BMPR2: variants seen among roughly 807,000 people sequenced by gnomAD.
BMPR2 encodes bone morphogenetic protein receptor type-2.
BMPR2 carries 29 observed loss-of-function variants against 100.8 expected under a neutral mutation model. The observed-to-expected ratio is 0.29, with a 90% CI of 0.21 to 0.39. BMPR2 has a LOEUF of 0.39. Ranked by LOEUF, BMPR2 falls within the 10% of genes least tolerant of loss-of-function variation. The pLI, the probability that BMPR2 is intolerant of heterozygous loss-of-function variation, is 1.00. For synonymous variants in BMPR2, 382 were observed against 442.3 expected, an observed-to-expected ratio of 0.86 and a Z score of 1.71; for missense variants, 1,011 against 1,274.5, an observed-to-expected ratio of 0.79 and a Z score of 3.15.
At chr2:202,541,232 G>T (rs1688266639) in intron 9 of BMPR2, among the ~76,000 whole-genome samples, 1 of 152,064 alleles carries the variant, frequency 6.6e-6, no homozygotes, top group African/African-American at 2.4e-5. Flanking sequence ...TTTGAGGGCA[G>T]AAGTATGAGA....
intron 3 of BMPR2, among the ~76,000 whole-genome samples, chr2:202,510,341 C>G (rs1687596241): frequency 6.6e-6 from 1 of 152,172 alleles, no homozygotes; most frequent in Non-Finnish European, 1.5e-5. Flanking sequence ...CACTTGAACC[C>G]AGGTGGCGGA....
At chr2:202,527,403 G>A (rs906862426) in intron 7 of BMPR2, among the ~76,000 whole-genome samples, 18 of 151,724 alleles carry the variant, frequency 1.2e-4, no homozygotes, top group African/African-American at 4.4e-4. Flanking sequence ...CAGAAGAATC[G>A]CTTGAACCTG....
At chr2:202,533,447 A>T (rs1167978387) in intron 9 of BMPR2, among the ~76,000 whole-genome samples, 1 of 151,930 alleles carries the variant, frequency 6.6e-6, no homozygotes, top group African/African-American at 2.4e-5. Flanking sequence ...GAATTGCTTG[A>T]ACCCGGGAGG....
rs931326220 is a variant in BMPR2, at chr2:202,447,426, C to T, written c.77-17383C>T. Reference sequence around the variant, plus strand: ...TGATTACTGGCCGGGTGCAGTGGCTCACGCCTGTAAATCCCAACACTGTGG... The same window carrying T: ...TGATTACTGGCCGGGTGCAGTGGCTTACGCCTGTAAATCCCAACACTGTGG... On this transcript the variant is annotated intron_variant, in intron 1 of 12. Transcript: ENST00000374580. Among the ~76,000 whole-genome samples the T allele has an allele frequency of 4.0e-5, 6 of 150,756 alleles. 1 individual carries two copies. Among genetic ancestry groups the T allele is most frequent in the African/African-American group, 1.5e-4 (6 of 40,076 alleles).
intron 9 of BMPR2, among the ~76,000 whole-genome samples, chr2:202,535,247 A>T (rs1235693296): frequency 6.6e-6 from 1 of 151,390 alleles, no homozygotes; most frequent in Non-Finnish European, 1.5e-5. Context: ...CACTTCCCAG[A>T]CGGAGCGGCT....
intron 3 of BMPR2, among the ~76,000 whole-genome samples, chr2:202,490,605 T>C (rs1192540300): frequency 6.6e-6 from 1 of 152,238 alleles, no homozygotes; most frequent in Non-Finnish European, 1.5e-5. Context: ...AAAACCAAGA[T>C]AGAGTTGGAT....
In BMPR2 at chr2:202,470,168, C is replaced by A. The variant is rs532675614; in HGVS notation, c.418+2479C>A. Reference sequence around the variant, plus strand: ...ACCATCCTGGCCAACATGGTGAAACCCCATCTCTACTAAAAATACAAAAAT... The same window carrying A: ...ACCATCCTGGCCAACATGGTGAAACACCATCTCTACTAAAAATACAAAAAT... On this transcript the variant is annotated intron_variant, in intron 3 of 12. Coordinates refer to ENST00000374580, the MANE Select transcript of BMPR2 (RefSeq NM_001204.7). Among the ~76,000 whole-genome samples the A allele has an allele frequency of 5.9e-5, 9 of 151,658 alleles. No individual in the cohort carries two copies. In the East Asian group the frequency reaches 1.6e-3, roughly 27 times the overall value.
intron 9 of BMPR2, among the ~76,000 whole-genome samples, chr2:202,535,828 A>T (rs1004651089): frequency 2.6e-5 from 4 of 152,210 alleles, no homozygotes; most frequent in Non-Finnish European, 4.4e-5. Flanking sequence ...TCCGTCTGCA[A>T]TCCCGGCACC....
At chr2:202,548,611 C>T (rs1012880852) in intron 10 of BMPR2, among the ~76,000 whole-genome samples, 1 of 152,074 alleles carries the variant, frequency 6.6e-6, no homozygotes, top group African/African-American at 2.4e-5. Flanking sequence ...GATTTTATGA[C>T]CCACCCATGA....
At chr2:202,451,823 C>T (rs1438871509) in intron 1 of BMPR2, among the ~76,000 whole-genome samples, 5 of 152,096 alleles carry the variant, frequency 3.3e-5, no homozygotes, top group Non-Finnish European at 7.4e-5. Flanking sequence ...GATCTCAGCT[C>T]ACCACAACCA....
At chr2:202,472,756 T>A (rs1444365245) in intron 3 of BMPR2, among the ~76,000 whole-genome samples, 1 of 152,220 alleles carries the variant, frequency 6.6e-6, no homozygotes. Flanking sequence ...CTTAGTTTAG[T>A]TTACTATAAC....
chr2:202,443,812 C>T (rs531251616), intron 1 of BMPR2, among the ~76,000 whole-genome samples: 29 of 150,624 alleles, frequency 1.9e-4, no homozygotes, highest in Non-Finnish European at 3.7e-4. Flanking sequence ...CTTGTAATTG[C>T]CTTCAGAGCA....
At chr2:202,428,587 T>A (rs78797663) in intron 1 of BMPR2, among the ~76,000 whole-genome samples, 1 of 151,982 alleles carries the variant, frequency 6.6e-6, no homozygotes, top group Non-Finnish European at 1.5e-5. Context: ...GTTTTTTTTT[T>A]GGTAGAGATG....
At chr2:202,388,415 A>AC (rs1690477446) in intron 1 of BMPR2, among the ~76,000 whole-genome samples, 2 of 150,662 alleles carry the variant, frequency 1.3e-5, no homozygotes, top group Admixed American at 6.6e-5. Flanking sequence ...AAAAAAAAAA[A>AC]AAAAACATTG....
At chr2:202,486,838 C>CAAT (rs1692788663) in intron 3 of BMPR2, among the ~76,000 whole-genome samples, 1 of 151,846 alleles carries the variant, frequency 6.6e-6, no homozygotes, top group Non-Finnish European at 1.5e-5. Context: ...TCAGCCTAGG[C>CAAT]AATATAGTGA....
chr2:202,392,991 C>CAAAAAA (rs57464494), intron 1 of BMPR2, among the ~76,000 whole-genome samples: 1 of 95,780 alleles, frequency 1.0e-5, no homozygotes, highest in African/African-American at 3.7e-5. Context: ...AACTCCGTCT[C>CAAAAAA]AAAAAAAAAA....
intron 9 of BMPR2, among the ~76,000 whole-genome samples, chr2:202,536,044 G>A (rs566472400): frequency 4.9e-4 from 75 of 152,218 alleles, no homozygotes; most frequent in African/African-American, 1.5e-3. Context: ...GCTTCGGCTC[G>A]GCATGAGAGG....
chr2:202,526,722 T>A (rs879945388), intron 7 of BMPR2, among the ~76,000 whole-genome samples: 3 of 152,238 alleles, frequency 2.0e-5, no homozygotes, highest in Non-Finnish European at 2.9e-5. Context: ...AAAAGAATGA[T>A]TGCCATCAGA....
chr2:202,477,894 A>G (rs72925078), intron 3 of BMPR2, among the ~76,000 whole-genome samples: 25,572 of 152,180 alleles, frequency 0.17, 2,472 homozygotes, highest in Middle Eastern at 0.24. Context: ...GTGTTTAGCA[A>G]TAAGTAAGAG....
Sources: allele counts gnomAD v4.1 joint callset (sites outside exome capture counted in the v4.1 genomes callset), GRCh38; gene constraint gnomAD v4.1.1; transcripts MANE v1.5; gene names NCBI Gene and HGNC (gene_info 2026-07-23, HGNC 2026-07-21).